Variants in KALRN observed in about 807,000 individuals in gnomAD.
The protein encoded by KALRN is kalirin RhoGEF kinase, also known as kalirin.
KALRN carries 70 observed loss-of-function variants against 353.7 expected under a neutral mutation model. The observed-to-expected ratio is 0.20, with a 90% confidence interval of 0.16 to 0.24. KALRN has a LOEUF of 0.24. KALRN is among the 10% of genes least tolerant of loss of function. KALRN has a pLI of 1.00. For synonymous variants in KALRN, 1,391 were observed against 1,434.8 expected (o/e 0.97, Z 0.69); for missense variants, 2,791 against 3,756.7 (o/e 0.74, Z 6.72).
chr3:124,471,231 A>G (rs1307496758), intron 25 of KALRN, among the ~76,000 whole-genome samples: 1 of 150,690 alleles, frequency 6.6e-6, no homozygotes, highest in Non-Finnish European at 1.5e-5. Context: ...GATTTATTAA[A>G]TCCTTACAAG....
intron 1 of KALRN, among the ~76,000 whole-genome samples, chr3:124,063,576 G>A (rs2042132881): frequency 6.6e-6 from 1 of 152,220 alleles, no homozygotes; most frequent in African/African-American, 2.4e-5. Flanking sequence ...GGAGCAGCAA[G>A]CTGGAGGCAA....
intron 33 of KALRN, among the ~76,000 whole-genome samples, chr3:124,535,126 G>A (rs1461427430): frequency 6.6e-6 from 1 of 151,766 alleles, no homozygotes; most frequent in Non-Finnish European, 1.5e-5. Flanking sequence ...TTAAAAAACA[G>A]TGCATGATTA....
chr3:124,506,133 T>G (rs1270896047), intron 33 of KALRN, among the ~76,000 whole-genome samples: 1 of 152,238 alleles, frequency 6.6e-6, no homozygotes, highest in South Asian at 2.1e-4. Context: ...TCCTCAGGGC[T>G]TCTTCCAGGA....
intron 45 of KALRN, 125 bp from the exon 46 acceptor site, chr3:124,666,324 G>T (rs1346505946): frequency 7.1e-6 from 6 of 850,052 alleles, no homozygotes; most frequent in Non-Finnish European, 1.1e-5. Flanking sequence ...TCTTCCTAGA[G>T]CCCTGAGGCT....
intron 1 of KALRN, among the ~76,000 whole-genome samples, chr3:124,134,165 A>G (rs1179046209): frequency 6.6e-6 from 1 of 152,250 alleles, no homozygotes; most frequent in Non-Finnish European, 1.5e-5. Flanking sequence ...ACAGCGTGAT[A>G]CTGGCATAAA....
chr3:124,337,439 T>C (rs1473260698), intron 9 of KALRN, among the ~76,000 whole-genome samples: 2 of 152,236 alleles, frequency 1.3e-5, no homozygotes, highest in African/African-American at 2.4e-5. Flanking sequence ...ATGTGATGGA[T>C]TATGTTTATT....
chr3:124,182,264 A>G (rs1481117062), intron 1 of KALRN, among the ~76,000 whole-genome samples: 1 of 152,212 alleles, frequency 6.6e-6, no homozygotes, highest in Admixed American at 6.5e-5. Context: ...TGGTTCAGGA[A>G]TTTAGACACA....
At chr3:124,383,952 T>C (rs976554943) in intron 10 of KALRN, among the ~76,000 whole-genome samples, 1 of 152,150 alleles carries the variant, frequency 6.6e-6, no homozygotes, top group African/African-American at 2.4e-5. Context: ...ACTCTAGGGA[T>C]ACTTAGAAAT....
intron 33 of KALRN, among the ~76,000 whole-genome samples, chr3:124,542,663 T>A (rs1439275410): frequency 6.6e-6 from 1 of 152,150 alleles, no homozygotes; most frequent in East Asian, 1.9e-4. Context: ...TCAGAGAGAA[T>A]AAGTTGTTAG....
At chr3:124,710,207 T>C (rs1249725320) in intron 57 of KALRN, among the ~76,000 whole-genome samples, 2 of 152,260 alleles carry the variant, frequency 1.3e-5, no homozygotes, top group Non-Finnish European at 2.9e-5. Flanking sequence ...AGGAAAAGTA[T>C]TCATAGTTTA....
At chr3:124,378,369 T>C (rs1176556865) in intron 10 of KALRN, among the ~76,000 whole-genome samples, 1 of 152,152 alleles carries the variant, frequency 6.6e-6, no homozygotes, top group Non-Finnish European at 1.5e-5. Flanking sequence ...ACCTTACTTA[T>C]ATATGTACCA....
chr3:124,274,503 G>C (rs1234253230), intron 5 of KALRN, among the ~76,000 whole-genome samples: 8 of 152,190 alleles, frequency 5.3e-5, no homozygotes, highest in Non-Finnish European at 1.2e-4. Context: ...TTTTAGCCTT[G>C]CCCAAAGCTA....
intron 11 of KALRN, among the ~76,000 whole-genome samples, chr3:124,386,009 T>G (rs2149956440): frequency 6.6e-6 from 1 of 152,152 alleles, no homozygotes; most frequent in East Asian, 1.9e-4. Context: ...GGGAATGCAT[T>G]AAGAATCTTG....
chr3:124,496,275 AC>A, intron 32 of KALRN, 35 bp from the exon 33 acceptor site: 1 of 1,189,464 alleles, frequency 8.4e-7, no homozygotes. Context: ...GGTTCCCCCC[AC>A]CCCCACCCCT....
intron 42 of KALRN, 36 bp downstream of exon 42, chr3:124,658,553 G>A (rs761774542): frequency 1.3e-5 from 20 of 1,531,672 alleles, no homozygotes; most frequent in Non-Finnish European, 1.7e-5. Flanking sequence ...TGGGGTGGGA[G>A]GAAAACTCAG....
intron 36 of KALRN, among the ~76,000 whole-genome samples, chr3:124,634,560 G>C (rs191438646): frequency 2.0e-5 from 3 of 152,348 alleles, no homozygotes; most frequent in Admixed American, 2.0e-4. Flanking sequence ...TGTGTCTCCA[G>C]TCACCCGGTG....
chr3:124,477,099 G>T (rs943637128), intron 26 of KALRN, 146 bp from the exon 27 acceptor site: 2 of 525,910 alleles, frequency 3.8e-6, no homozygotes, highest in African/African-American at 3.8e-5. Context: ...ATGGGGGCTG[G>T]ATGAGCATAG....
At chr3:124,664,360 T>TGCGC (rs1158885022) in intron 45 of KALRN, among the ~76,000 whole-genome samples, 32 of 123,844 alleles carry the variant, frequency 2.6e-4, no homozygotes, top group Non-Finnish European at 3.1e-4. Flanking sequence ...TGTGTGTGTG[T>TGCGC]GTGTGTGTGT....
intron 47 of KALRN, among the ~76,000 whole-genome samples, chr3:124,668,274 A>G (rs925104657): frequency 1.3e-5 from 2 of 152,198 alleles, no homozygotes; most frequent in Non-Finnish European, 2.9e-5. Context: ...ATCCAAATAC[A>G]GCATTTTCTG....
Sources: allele counts gnomAD v4.1 joint callset (sites outside exome capture counted in the v4.1 genomes callset), GRCh38; gene constraint gnomAD v4.1.1; transcripts MANE v1.5; gene names NCBI Gene and HGNC (gene_info 2026-07-23, HGNC 2026-07-21).